Variants in ARHGAP15 observed in about 807,000 individuals in gnomAD.
ARHGAP15 encodes the protein Rho GTPase activating protein 15, also known as rho GTPase-activating protein 15.
In ARHGAP15, 51 loss-of-function variants were observed where a neutral mutation model predicts 63.7. The ratio of observed to expected loss-of-function variants is 0.80; its 90% confidence interval spans 0.64 to 1.01. The LOEUF is 1.01. Among genes scored for constraint, ARHGAP15 ranks in the 50% least tolerant of loss-of-function variants. The pLI, the probability that ARHGAP15 is intolerant of heterozygous loss-of-function variation, is 0.00. For missense variants in ARHGAP15, 560 were observed against 564.6 expected (o/e 0.99, Z 0.08); for synonymous variants, 191 against 193.8 (o/e 0.99, Z 0.12).
At chr2:143,674,751 A>G (rs140618865) in intron 12 of ARHGAP15, among the ~76,000 whole-genome samples, 1 of 152,308 alleles carries the variant, frequency 6.6e-6, no homozygotes, top group Admixed American at 6.5e-5. Context: ...AAAACAATGT[A>G]CAGGCCTTGA....
At chr2:143,727,705 T>C (rs1433136109) in intron 13 of ARHGAP15, among the ~76,000 whole-genome samples, 1 of 152,122 alleles carries the variant, frequency 6.6e-6, no homozygotes, top group Non-Finnish European at 1.5e-5. Context: ...ATTGTAATGG[T>C]ATGGAGACAG....
At chr2:143,279,634 C>T (rs1416203422) in intron 6 of ARHGAP15, among the ~76,000 whole-genome samples, 1 of 152,066 alleles carries the variant, frequency 6.6e-6, no homozygotes, top group Non-Finnish European at 1.5e-5. Flanking sequence ...AGAATTCTAT[C>T]CTTCAAGAAT....
chr2:143,490,391 C>T (rs2105233757), intron 9 of ARHGAP15, among the ~76,000 whole-genome samples: 1 of 152,266 alleles, frequency 6.6e-6, no homozygotes, highest in East Asian at 1.9e-4. Context: ...CTTTATTGAG[C>T]ACCACGATGG....
intron 2 of ARHGAP15, among the ~76,000 whole-genome samples, chr2:143,196,074 T>A (rs989891482): frequency 6.6e-6 from 1 of 152,224 alleles, no homozygotes; most frequent in Non-Finnish European, 1.5e-5. Context: ...AAAAACTTAA[T>A]TATGATCCAT....
intron 6 of ARHGAP15, among the ~76,000 whole-genome samples, chr2:143,298,705 T>A (rs904283660): frequency 2.0e-4 from 31 of 152,036 alleles, no homozygotes; most frequent in African/African-American, 7.2e-4. Flanking sequence ...TCCTCACATA[T>A]ATGGCAATAG....
intron 6 of ARHGAP15, among the ~76,000 whole-genome samples, chr2:143,333,084 A>G (rs1296676618): frequency 2.0e-5 from 3 of 152,178 alleles, no homozygotes; most frequent in Non-Finnish European, 4.4e-5. Context: ...CATATTCTAT[A>G]TAATTAAATA....
chr2:143,560,293 C>A (rs1695967367), intron 11 of ARHGAP15, among the ~76,000 whole-genome samples: 1 of 152,128 alleles, frequency 6.6e-6, no homozygotes. Flanking sequence ...TAAAAGTAAG[C>A]AGCATTTTCA....
intron 8 of ARHGAP15, among the ~76,000 whole-genome samples, chr2:143,475,828 G>A (rs2105200758): frequency 6.6e-6 from 1 of 152,340 alleles, no homozygotes; most frequent in South Asian, 2.1e-4. Flanking sequence ...TTGGAACTCT[G>A]CAGTTTTAGA....
intron 6 of ARHGAP15, among the ~76,000 whole-genome samples, chr2:143,255,889 T>C (rs1265033578): frequency 6.6e-6 from 1 of 152,170 alleles, no homozygotes; most frequent in East Asian, 1.9e-4. Context: ...CATTCACGTC[T>C]AACACAGTTG....
chr2:143,714,145 T>A (rs1420823538), intron 13 of ARHGAP15, among the ~76,000 whole-genome samples: 1 of 152,220 alleles, frequency 6.6e-6, no homozygotes, highest in Non-Finnish European at 1.5e-5. Context: ...GGCATCCAGG[T>A]GTTTCTATAC....
At chr2:143,733,662 G>C (rs1307026574) in intron 13 of ARHGAP15, among the ~76,000 whole-genome samples, 1 of 152,192 alleles carries the variant, frequency 6.6e-6, no homozygotes, top group African/African-American at 2.4e-5. Flanking sequence ...TACATTTTCA[G>C]TCAGAAGCTA....
At chr2:143,399,797 G>A (rs1273693180) in intron 6 of ARHGAP15, among the ~76,000 whole-genome samples, 3 of 151,974 alleles carry the variant, frequency 2.0e-5, no homozygotes, top group Non-Finnish European at 4.4e-5. Flanking sequence ...AGCCCCTCAA[G>A]CCTTCTGGAT....
chr2:143,628,348 G>T (rs1559089325), intron 12 of ARHGAP15, among the ~76,000 whole-genome samples: 2 of 152,144 alleles, frequency 1.3e-5, no homozygotes, highest in Admixed American at 6.6e-5. Flanking sequence ...ACCCAGTAAT[G>T]GGATTGCTGG....
rs140220849 is a variant in ARHGAP15, at chr2:143,155,520, C to T, written c.30C>T (p.Ser10=). The change falls in exon 2 of 14, where the codon TCC becomes TCT. Residue 10 remains serine (S), a synonymous_variant. Coordinates refer to ENST00000295095, the MANE Select transcript of ARHGAP15 (RefSeq NM_018460.4). MQKSTNSDT[S]VETLNSTRQG... is the part of the protein sequence containing the mutation. ...AGAAATCTACAAATTCTGATACTTC[C>T]GTGGAAACACTGAATTCTACCCGCC... The T allele has an allele frequency of 2.0e-5, 32 of 1,607,030 alleles. No homozygotes were observed. The highest frequency in any genetic ancestry group is 2.5e-5 in the Non-Finnish European group (29 of 1,177,344).
intron 2 of ARHGAP15, among the ~76,000 whole-genome samples, chr2:143,160,752 G>A (rs1690260480): frequency 6.6e-6 from 1 of 151,944 alleles, no homozygotes; most frequent in Non-Finnish European, 1.5e-5. Context: ...AACCACTGGA[G>A]ATTTCTTTCC....
chr2:143,196,866 G>C (rs908006446), intron 2 of ARHGAP15, among the ~76,000 whole-genome samples: 12 of 151,836 alleles, frequency 7.9e-5, no homozygotes, highest in Admixed American at 4.6e-4. Context: ...CTTCTCAGAA[G>C]CTTTACAGAA....
intron 11 of ARHGAP15, among the ~76,000 whole-genome samples, chr2:143,559,457 CA>C (rs1695937805): frequency 6.6e-6 from 1 of 152,184 alleles, no homozygotes; most frequent in African/African-American, 2.4e-5. Flanking sequence ...ATAGCACTGT[CA>C]GAATGCAACA....
At chr2:143,480,084 C>A (rs1163799396) in intron 8 of ARHGAP15, among the ~76,000 whole-genome samples, 7 of 152,198 alleles carry the variant, frequency 4.6e-5, no homozygotes, top group Admixed American at 1.3e-4. Context: ...AAACACCCTG[C>A]CTTACACTAT....
rs917866715 is a variant in ARHGAP15, at chr2:143,531,771, A to G, written c.925+12407A>G. 3.3e-5 allele frequency among the ~76,000 whole-genome samples: 5 copies of G among 152,232 alleles called. No individual in the cohort carries two copies. In the East Asian group the frequency reaches 7.7e-4, roughly 23 times the overall value. ...TCATAATGTTAGTGCTTTCCAGCAT[A>G]CATACCAATACTGTGGAATAAAATT... On this transcript the variant is annotated intron_variant, in intron 10 of 13. Coordinates refer to ENST00000295095, the MANE Select transcript of ARHGAP15 (RefSeq NM_018460.4).
Sources: gnomAD v4.1 joint callset for allele counts (sites outside exome capture counted in the v4.1 genomes callset) on GRCh38, gnomAD v4.1.1 for gene constraint, MANE v1.5 for transcripts, NCBI Gene and HGNC (gene_info 2026-07-23, HGNC 2026-07-21) for gene names.